Variants in SAMD3 observed in about 807,000 individuals in gnomAD.
SAMD3 encodes sterile alpha motif domain containing 3.
Under a neutral mutation model 58.5 loss-of-function variants are expected in SAMD3, and 63 were observed. The ratio of observed to expected loss-of-function variants is 1.08; its 90% confidence interval spans 0.88 to 1.33. SAMD3 has a LOEUF of 1.33. Ranked by LOEUF, SAMD3 falls within the 40% of genes most tolerant of loss-of-function variation. The probability of loss-of-function intolerance (pLI) is 0.00; values close to 1 mark genes in which losing one functional copy is unlikely to be tolerated. For missense variants in SAMD3, 604 were observed against 608.4 expected (o/e 0.99, Z 0.08); for synonymous variants, 220 against 210.3 (o/e 1.05, Z -0.40).
intron 5 of SAMD3, among the ~76,000 whole-genome samples, chr6:130,199,935 G>T (rs1304715445): frequency 6.6e-6 from 1 of 152,114 alleles, no homozygotes; most frequent in African/African-American, 2.4e-5. Context: ...TGAAATGCAT[G>T]TGTGAACCTA....
chr6:130,325,310 C>T (rs1170446309), intron 1 of SAMD3, among the ~76,000 whole-genome samples: 1 of 151,298 alleles, frequency 6.6e-6, no homozygotes, highest in Non-Finnish European at 1.5e-5. Context: ...GGACAAAAGA[C>T]CTGCGAACCT....
intron 8 of SAMD3, among the ~76,000 whole-genome samples, chr6:130,175,504 T>C (rs755469027): frequency 3.3e-5 from 5 of 151,930 alleles, no homozygotes; most frequent in African/African-American, 7.3e-5. Flanking sequence ...AAACTTCCTG[T>C]AGCAATAAGA....
At chr6:130,323,266 G>C (rs1358904967) in intron 1 of SAMD3, among the ~76,000 whole-genome samples, 5 of 152,232 alleles carry the variant, frequency 3.3e-5, no homozygotes, top group African/African-American at 9.6e-5. Context: ...GGGGTTTTCA[G>C]TTCCCAGATC....
chr6:130,351,197 A>C lies in SAMD3; in HGVS notation c.-304+13923T>G, dbSNP rs1232795158. On this transcript the variant is annotated intron_variant, in intron 1 of 13. Coordinates refer to the SAMD3 transcript ENST00000368134. ...ACTTTTTGTCTAAAACACCAAAAGC[A>C]ATGGCAACAAAAGCCAAAATTAACA... Among the ~76,000 whole-genome samples, 4 of 152,244 alleles carry C rather than the reference A, an allele frequency of 2.6e-5. No homozygotes were observed. The South Asian group carries it at 6.2e-4, about 24-fold the overall frequency.
intron 8 of SAMD3, among the ~76,000 whole-genome samples, chr6:130,166,882 T>C (rs914446489): frequency 6.6e-6 from 1 of 152,186 alleles, no homozygotes; most frequent in African/African-American, 2.4e-5. Flanking sequence ...ATGGTAAGCA[T>C]TGGCAGGAAT....
intron 2 of SAMD3, among the ~76,000 whole-genome samples, chr6:130,249,864 C>G (rs1035257431): frequency 6.6e-6 from 1 of 152,074 alleles, no homozygotes; most frequent in Admixed American, 6.5e-5. Flanking sequence ...CAAAAAAAAG[C>G]AAGACTCTAG....
Position 130,154,820 on chromosome 6 carries a change from G to T in SAMD3, c.1023+5C>A. ...TGTGTGTATATATATATAGAATAAA[G>T]ATACCTGATAAGGGCACTTCAAGAA... is the stretch of plus-strand genomic sequence containing the variant. On this transcript the variant is annotated splice_donor_5th_base_variant and intron_variant, in intron 9 of 11. Coordinates refer to ENST00000439090, the MANE Select transcript of SAMD3 (RefSeq NM_001017373.4). 6.3e-7 allele frequency: 1 copy of T among 1,579,894 alleles called. No individual in the cohort carries two copies. The highest frequency in any genetic ancestry group is 8.7e-7 in the Non-Finnish European group (1 of 1,155,314).
intron 2 of SAMD3, among the ~76,000 whole-genome samples, chr6:130,240,859 A>G (rs1039320803): frequency 1.3e-5 from 2 of 152,154 alleles, no homozygotes; most frequent in Non-Finnish European, 2.9e-5. Context: ...GTGAGGGAAG[A>G]AATTTTTGTT....
chr6:130,166,684 A>G (rs1197277918), intron 8 of SAMD3, among the ~76,000 whole-genome samples: 1 of 152,236 alleles, frequency 6.6e-6, no homozygotes, highest in Non-Finnish European at 1.5e-5. Flanking sequence ...AATCAACAAG[A>G]AAAAGATGCA....
At chr6:130,334,193 AAAG>A (rs1313019336) in intron 1 of SAMD3, among the ~76,000 whole-genome samples, 1 of 152,204 alleles carries the variant, frequency 6.6e-6, no homozygotes, top group Non-Finnish European at 1.5e-5. Context: ...CATCTGAGGC[AAAG>A]AAGCACAACC....
chr6:130,340,607 A>C (rs1402167788), intron 1 of SAMD3, among the ~76,000 whole-genome samples: 1 of 152,228 alleles, frequency 6.6e-6, no homozygotes, highest in African/African-American at 2.4e-5. Context: ...TATTACCACA[A>C]ATACTAATCA....
At chr6:130,237,502 G>T (rs1221849088) in intron 2 of SAMD3, among the ~76,000 whole-genome samples, 1 of 152,050 alleles carries the variant, frequency 6.6e-6, no homozygotes, top group Non-Finnish European at 1.5e-5. Context: ...TCAAAGGATA[G>T]AAATGATAGA....
chr6:130,274,857 C>G (rs1774719355), intron 2 of SAMD3, among the ~76,000 whole-genome samples: 1 of 151,512 alleles, frequency 6.6e-6, no homozygotes, highest in South Asian at 2.1e-4. Flanking sequence ...TGCAATGTCT[C>G]TTAAGACTCT....
At chr6:130,294,517 C>A (rs994239953) in intron 2 of SAMD3, among the ~76,000 whole-genome samples, 1 of 151,918 alleles carries the variant, frequency 6.6e-6, no homozygotes, top group African/African-American at 2.4e-5. Flanking sequence ...AACATTGTTT[C>A]TTTTTTATTC....
chr6:130,179,552 C>G (rs928339301), intron 7 of SAMD3, among the ~76,000 whole-genome samples: 11 of 148,258 alleles, frequency 7.4e-5, no homozygotes, highest in African/African-American at 2.5e-4. Context: ...CTAGACTTGT[C>G]CAAAAAGCAA....
intron 2 of SAMD3, among the ~76,000 whole-genome samples, chr6:130,306,893 A>T (rs1775927692): frequency 6.6e-6 from 1 of 152,150 alleles, no homozygotes. Flanking sequence ...TTCTTTCTAT[A>T]ATGATATTTT....
intron 2 of SAMD3, among the ~76,000 whole-genome samples, chr6:130,233,161 G>A (rs1022432632): frequency 6.6e-6 from 1 of 152,068 alleles, no homozygotes; most frequent in Non-Finnish European, 1.5e-5. Flanking sequence ...TGGCTAGCTG[G>A]GTGGCTACAA....
upstream of SAMD3, chr6:130,365,549 C>T: frequency 3.0e-6 from 3 of 985,364 alleles, no homozygotes; most frequent in Non-Finnish European, 3.6e-6. Context: ...GCGGTGCCTG[C>T]TCCGGGAATA....
intron 7 of SAMD3, chr6:130,183,292 G>A (rs575915630): frequency 3.3e-5 from 14 of 430,096 alleles, no homozygotes; most frequent in Non-Finnish European, 3.2e-5. Context: ...AGCTGAGATC[G>A]CGCCACTATA....
Sources: allele counts gnomAD v4.1 joint callset (sites outside exome capture counted in the v4.1 genomes callset), GRCh38; gene constraint gnomAD v4.1.1; transcripts MANE v1.5; gene names NCBI Gene and HGNC (gene_info 2026-07-23, HGNC 2026-07-21).